PBX3: variants seen among roughly 807,000 people sequenced by gnomAD.
The protein encoded by PBX3 is PBX homeobox 3.
PBX3 carries 14 observed loss-of-function variants against 48.5 expected under a neutral mutation model. That is an observed-to-expected ratio of 0.29 (90% CI 0.19 to 0.45). The LOEUF (loss-of-function observed/expected upper bound fraction) is 0.45, where lower values mean the gene tolerates loss of function less well. Among genes scored for constraint, PBX3 ranks in the 20% least tolerant of loss-of-function variants. The pLI is 1.00. For synonymous variants in PBX3, 210 were observed against 200.3 expected, an observed-to-expected ratio of 1.05 and a Z score of -0.41; for missense variants, 386 against 546.7, an observed-to-expected ratio of 0.71 and a Z score of 2.93.
rs1181895928 is a variant in PBX3, at chr9:125,759,200, T to C, written c.274+10577T>C. Reference sequence around the variant, plus strand: ...TAGTGTAAATATTTGTAGACAACCATGTTTTACAGACTTCAGTTTAATGGC... The same window carrying C: ...TAGTGTAAATATTTGTAGACAACCACGTTTTACAGACTTCAGTTTAATGGC... On this transcript the variant is annotated intron_variant, in intron 2 of 8. Transcript: ENST00000373489. This position sits in a 1 kb window ranked among gnomAD's most constrained non-coding sequence, Gnocchi z 4.2. Among the ~76,000 whole-genome samples the C allele has an allele frequency of 6.6e-6, 1 of 152,204 alleles. No homozygotes were observed. The highest frequency in any genetic ancestry group is 2.4e-5 in the African/African-American group (1 of 41,454).
chr9:125,803,276 C>T (rs1338887217), intron 2 of PBX3, among the ~76,000 whole-genome samples: 3 of 151,424 alleles, frequency 2.0e-5, no homozygotes, highest in South Asian at 4.2e-4. Context: ...TTAGTAGAGA[C>T]GGGGTTTCAT....
At chr9:125,750,805 G>GC (rs1836353844) in intron 2 of PBX3, among the ~76,000 whole-genome samples, 1 of 152,218 alleles carries the variant, frequency 6.6e-6, no homozygotes, top group South Asian at 2.1e-4. Context: ...CTAAGCTCGA[G>GC]AGGGATGGGA....
chr9:125,803,528 C>T (rs1838031453), intron 2 of PBX3, among the ~76,000 whole-genome samples: 3 of 150,484 alleles, frequency 2.0e-5, no homozygotes, highest in African/African-American at 7.3e-5. Flanking sequence ...ACCTCTTTGT[C>T]ATGACCTTGG....
At chr9:125,764,818 C>T in intron 2 of PBX3, among the ~76,000 whole-genome samples, 1 of 152,112 alleles carries the variant, frequency 6.6e-6, no homozygotes, top group Non-Finnish European at 1.5e-5. Flanking sequence ...TTTTAGAACT[C>T]TATGTATTGG....
intron 2 of PBX3, among the ~76,000 whole-genome samples, chr9:125,876,965 G>A (rs1307486121): frequency 6.6e-6 from 1 of 151,980 alleles, no homozygotes; most frequent in Non-Finnish European, 1.5e-5. Context: ...GTAGAGACGG[G>A]GTTTCACCAT....
chr9:125,843,716 A>G (rs1839349302), intron 2 of PBX3: 2 of 436,478 alleles, frequency 4.6e-6, no homozygotes, highest in South Asian at 3.2e-5. Context: ...TGCTTTTAGT[A>G]GTCATTTCGG....
In PBX3 at chr9:125,835,051, A is replaced by AAAAAAAAAAAAAAAAAT. The variant is rs1564681272; in HGVS notation, c.275-80635_275-80634insAAAAAAAAAAAAAAAAT. Among the ~76,000 whole-genome samples, 3 of 108,002 alleles carry AAAAAAAAAAAAAAAAAT rather than the reference A, an allele frequency of 2.8e-5. 1 individual carries two copies. Among genetic ancestry groups the AAAAAAAAAAAAAAAAAT allele is most frequent in the African/African-American group, 3.8e-5 (1 of 26,310 alleles). 70.9% of individuals were successfully genotyped at this position (108,002 alleles called of 152,430 possible). On this transcript the variant is annotated intron_variant, in intron 2 of 8. Transcript: ENST00000373489. ...AAAAAAAAAAAAAAAAAAAAAAAAA[A>AAAAAAAAAAAAAAAAAT]GGGCAAAAGATATGAAAAGACAAGT...
intron 3 of PBX3, among the ~76,000 whole-genome samples, chr9:125,922,372 A>G (rs1458682925): frequency 6.6e-6 from 1 of 152,178 alleles, no homozygotes; most frequent in Non-Finnish European, 1.5e-5. Context: ...ATAAACAAAA[A>G]TGCATCCTAG....
intron 2 of PBX3, among the ~76,000 whole-genome samples, chr9:125,817,134 G>C (rs559459789): frequency 3.3e-5 from 5 of 152,330 alleles, no homozygotes; most frequent in African/African-American, 1.2e-4. Flanking sequence ...ATAGAGTAAA[G>C]AATTGGTCTG....
intron 2 of PBX3, among the ~76,000 whole-genome samples, chr9:125,780,155 T>C (rs1837217643): frequency 1.6e-5 from 2 of 122,072 alleles, no homozygotes; most frequent in Non-Finnish European, 1.7e-5. Context: ...GAGGCGCCCC[T>C]CACCTCCCGG....
intron 2 of PBX3, among the ~76,000 whole-genome samples, chr9:125,779,921 T>G (rs867517798): frequency 0.055 from 2,122 of 38,472 alleles, 31 homozygotes; most frequent in Admixed American, 0.13. Flanking sequence ...GGACGGGGCG[T>G]CTGGCCGGGC....
At chr9:125,878,410 T>C (rs1840305906) in intron 2 of PBX3, among the ~76,000 whole-genome samples, 1 of 152,248 alleles carries the variant, frequency 6.6e-6, no homozygotes, top group African/African-American at 2.4e-5. Flanking sequence ...AGGGTCAGTA[T>C]GCATAACCTC....
chr9:125,839,776 G>A (rs985127983), intron 2 of PBX3, among the ~76,000 whole-genome samples: 29 of 152,168 alleles, frequency 1.9e-4, no homozygotes, highest in African/African-American at 6.0e-4. Context: ...AAAGAGAAAA[G>A]GGATACTGTT....
rs768595267 is a variant in PBX3, at chr9:125,759,061, C to T, written c.274+10438C>T. Among the ~76,000 whole-genome samples, 1 of 152,110 alleles carries T rather than the reference C, an allele frequency of 6.6e-6. No homozygotes were observed. Among genetic ancestry groups the T allele is most frequent in the African/African-American group, 2.4e-5 (1 of 41,412 alleles). ...CAGAGGTGGCAGCAGAACTACTCAA[C>T]TTAGGCAGAGAAAGTAGTGGAAATG... On this transcript the variant is annotated intron_variant, in intron 2 of 8. Coordinates refer to ENST00000373489, the MANE Select transcript of PBX3 (RefSeq NM_006195.6). The surrounding 1 kb of genome is among the most constrained non-coding windows in gnomAD (Gnocchi z 4.2).
chr9:125,902,974 C>T (rs1054263704), intron 2 of PBX3, among the ~76,000 whole-genome samples: 1 of 151,704 alleles, frequency 6.6e-6, no homozygotes, highest in Non-Finnish European at 1.5e-5. Flanking sequence ...AATTCTTCTG[C>T]TATCTGCACC....
chr9:125,948,472 A>G (rs1395019169), intron 5 of PBX3, among the ~76,000 whole-genome samples: 2 of 152,222 alleles, frequency 1.3e-5, no homozygotes, highest in Non-Finnish European at 2.9e-5. Flanking sequence ...ATAAAATTCC[A>G]TATGTTTAGA....
rs919879504 is a variant in PBX3, at chr9:125,904,410, C to G, written c.275-11276C>G. 1.4e-4 allele frequency among the ~76,000 whole-genome samples: 22 copies of G among 151,982 alleles called. No homozygotes were observed. The South Asian group carries it at 4.6e-3, about 31-fold the overall frequency. On this transcript the variant is annotated intron_variant, in intron 2 of 8. Transcript: ENST00000373489. The stretch of plus-strand genomic sequence containing the variant: ...TTTGTGTATCTCTTGTTTACAGCCC[C>G]AGTGTCCTCTTGTAAAACCCATGCA...
intron 5 of PBX3, among the ~76,000 whole-genome samples, chr9:125,951,474 T>C (rs1165232847): frequency 6.6e-6 from 1 of 152,142 alleles, no homozygotes; most frequent in Non-Finnish European, 1.5e-5. Flanking sequence ...AACTTGAAGC[T>C]CCTGGGAAAA....
chr9:125,936,791 G>C (rs186470655), intron 5 of PBX3, among the ~76,000 whole-genome samples: 1 of 152,226 alleles, frequency 6.6e-6, no homozygotes, highest in Admixed American at 6.5e-5. Flanking sequence ...GTTAGAAATG[G>C]AATATAATTG....
Sources: gnomAD v4.1 joint callset for allele counts (sites outside exome capture counted in the v4.1 genomes callset) on GRCh38, gnomAD v4.1.1 for gene constraint, Gnocchi (gnomAD v3.1) non-coding constraint, MANE v1.5 for transcripts, NCBI Gene and HGNC (gene_info 2026-07-23, HGNC 2026-07-21) for gene names.